The following AFAP1 variants were observed in gnomAD, a reference collection of about 807,000 sequenced individuals.
AFAP1 encodes the protein actin filament-associated protein 1.
A neutral mutation model predicts 93.9 loss-of-function variants in AFAP1; 75 were observed. The observed-to-expected ratio is 0.80, with a 90% CI of 0.66 to 0.97. AFAP1 has a LOEUF of 0.97. Among genes scored for constraint, AFAP1 ranks in the 50% least tolerant of loss-of-function variants. AFAP1 has a pLI of 0.00. For missense variants in AFAP1, 1,201 were observed against 1,050.8 expected (o/e 1.14, Z -1.98); for synonymous variants, 517 against 430.7 (o/e 1.20, Z -2.48).
chr4:7,862,623 G>A (rs1038616981), intron 3 of AFAP1, among the ~76,000 whole-genome samples: 3 of 152,114 alleles, frequency 2.0e-5, no homozygotes, highest in South Asian at 2.1e-4. Context: ...CACAATAAAA[G>A]GAAACTTGGC....
In AFAP1 at chr4:7,915,127, G is replaced by A. The variant is rs540234059; in HGVS notation, c.-3+24529C>T. 1.5e-4 allele frequency among the ~76,000 whole-genome samples: 23 copies of A among 152,274 alleles called. 1 individual carries two copies. Among genetic ancestry groups the A allele is most frequent in the Admixed American group, 1.4e-3 (22 of 15,298 alleles). ...TCAAACTCCTGACATCCGGTGATCT[G>A]CCCGCCTCGGCCTCCCAAAGTGCTG... On this transcript the variant is annotated intron_variant, in intron 1 of 17. Coordinates refer to ENST00000420658, the MANE Select transcript of AFAP1 (RefSeq NM_001134647.2).
chr4:7,930,241 C>T (rs1017629814), intron 1 of AFAP1, among the ~76,000 whole-genome samples: 1 of 152,222 alleles, frequency 6.6e-6, no homozygotes. Flanking sequence ...GAGGTCGGGG[C>T]TCCCATGCCC....
intron 9 of AFAP1, among the ~76,000 whole-genome samples, chr4:7,801,448 C>T (rs1469386867): frequency 6.6e-6 from 1 of 151,906 alleles, no homozygotes; most frequent in Non-Finnish European, 1.5e-5. Flanking sequence ...AAAAAAACCT[C>T]CTCAAATACA....
intron 7 of AFAP1, 147 bp downstream of exon 7, chr4:7,818,928 AG>A: frequency 1.5e-6 from 1 of 664,786 alleles, no homozygotes; most frequent in South Asian, 2.4e-5. Flanking sequence ...AGCGCAAAGC[AG>A]GCAGTTAAAA....
Position 7,939,377 on chromosome 4 carries a change from C to G in AFAP1, c.-3+279G>C, listed in dbSNP as rs1721593729. On this transcript the variant is annotated intron_variant, in intron 1 of 17. Coordinates refer to ENST00000420658, the MANE Select transcript of AFAP1 (RefSeq NM_001134647.2). This position sits in a 1 kb window ranked among gnomAD's most constrained non-coding sequence, Gnocchi z 5.6. Reference sequence around the variant, plus strand: ...GGGACCAGCCACGCCGCGGGGGCACCGGGCAGGAGCCAGCGCCCGGGTCCA... The same window carrying G: ...GGGACCAGCCACGCCGCGGGGGCACGGGGCAGGAGCCAGCGCCCGGGTCCA... The G allele has an allele frequency of 3.1e-6, 1 of 318,980 alleles. No individual in the cohort carries two copies. The highest frequency in any genetic ancestry group is 6.3e-6 in the Non-Finnish European group (1 of 159,434). 19.8% of individuals were successfully genotyped at this position (318,980 alleles called of 1,614,324 possible).
At chr4:7,864,670 T>A (rs1716208953) in intron 3 of AFAP1, among the ~76,000 whole-genome samples, 1 of 152,220 alleles carries the variant, frequency 6.6e-6, no homozygotes, top group South Asian at 2.1e-4. Context: ...CCTGTTGAGT[T>A]GTGTATTTAC....
chr4:7,763,518 C>G lies in AFAP1; in HGVS notation c.*247G>C. On this transcript the variant is annotated 3_prime_UTR_variant, in exon 18 of 18. Coordinates refer to ENST00000420658, the MANE Select transcript of AFAP1 (RefSeq NM_001134647.2). ...TGATAGCATCCTTTCAAACACCTTT[C>G]CATCACTTTTTTTGTTTTTTAACAA... 1 of 546,678 alleles carries G rather than the reference C, an allele frequency of 1.8e-6. No individual in the cohort carries two copies. Among genetic ancestry groups the G allele is most frequent in the Non-Finnish European group, 3.2e-6 (1 of 309,720 alleles). The allele number at this position is 546,678 out of a possible 1,614,324, so 33.9% of individuals were successfully genotyped here. A position where few individuals can be genotyped will look rare whatever the true frequency, so the allele number is the denominator to read the frequency against.
intron 1 of AFAP1, among the ~76,000 whole-genome samples, chr4:7,923,542 G>T (rs1280584145): frequency 6.6e-6 from 1 of 152,138 alleles, no homozygotes; most frequent in East Asian, 1.9e-4. Flanking sequence ...ACAGTGGCAC[G>T]ATCTTGGCTC....
chr4:7,809,098 T>C (rs147712700), intron 9 of AFAP1, among the ~76,000 whole-genome samples: 2 of 152,112 alleles, frequency 1.3e-5, no homozygotes, highest in African/African-American at 4.8e-5. Context: ...TTAGGGTACA[T>C]GTGCACAATG....
At chr4:7,782,363 A>T (rs1275663859) in intron 12 of AFAP1, among the ~76,000 whole-genome samples, 1 of 152,240 alleles carries the variant, frequency 6.6e-6, no homozygotes, top group Non-Finnish European at 1.5e-5. Flanking sequence ...GGGAACTGTC[A>T]ACACAAACCC....
chr4:7,782,277 C>A (rs114172772), intron 12 of AFAP1, among the ~76,000 whole-genome samples: 1 of 152,240 alleles, frequency 6.6e-6, no homozygotes, highest in African/African-American at 2.4e-5. Flanking sequence ...CTAAGCCTCG[C>A]GCTCCTTCTG....
intron 14 of AFAP1, chr4:7,778,460 G>C: frequency 2.2e-6 from 1 of 455,762 alleles, no homozygotes; most frequent in South Asian, 2.1e-5. Flanking sequence ...TCCTGACCTG[G>C]AGCCCAGGGC....
chr4:7,872,373 T>C (rs1717127139), intron 1 of AFAP1: 1 of 274,016 alleles, frequency 3.6e-6, no homozygotes. Flanking sequence ...GACGTCATCA[T>C]TTGGTGTCAA....
rs149044697 is a variant in AFAP1, at chr4:7,919,621, G to C, written c.-3+20035C>G. Among the ~76,000 whole-genome samples the C allele has an allele frequency of 6.2e-4, 95 of 152,180 alleles. 1 individual carries two copies. Among genetic ancestry groups the C allele is most frequent in the African/African-American group, 2.2e-3 (93 of 41,516 alleles). On this transcript the variant is annotated intron_variant, in intron 1 of 17. Coordinates refer to ENST00000420658, the MANE Select transcript of AFAP1 (RefSeq NM_001134647.2). Reference sequence around the variant, plus strand: ...ACTGAATGAAACCTGCGGATTTTTTGTTTAGTCTTTTATTTTTTTTTAATT... The same window carrying C: ...ACTGAATGAAACCTGCGGATTTTTTCTTTAGTCTTTTATTTTTTTTTAATT...
In AFAP1 at chr4:7,887,009, T is replaced by A. The variant is rs1718175369; in HGVS notation, c.-2-14929A>T. Among the ~76,000 whole-genome samples, 4 of 152,232 alleles carry A rather than the reference T, an allele frequency of 2.6e-5. No homozygotes were observed. The South Asian group carries it at 8.3e-4, about 32-fold the overall frequency. On this transcript the variant is annotated intron_variant, in intron 1 of 17. Coordinates refer to ENST00000420658, the MANE Select transcript of AFAP1 (RefSeq NM_001134647.2). The stretch of plus-strand genomic sequence containing the variant: ...CTCACAACCTAGAACAGCAGACACA[T>A]ACCTGGACTCACAGAACCCTTATTC...
Position 7,763,767 on chromosome 4 carries a change from A to C in AFAP1, c.2443T>G (p.Ter815GluextTer22). The C allele has an allele frequency of 3.2e-6, 5 of 1,551,670 alleles. No homozygotes were observed. The highest frequency in any genetic ancestry group is 4.4e-6 in the Non-Finnish European group (5 of 1,146,966). ...AKEWELKNGT[*>E] ...GGCTGGAGTGGTGCTGCTGTCCCCT[A>C]GGTCCCGTTCTTCAATTCCCATTCC... The change falls in exon 18 of 18, where the codon TAG becomes GAG. Residue 815 changes from the stop codon to glutamate, a stop_lost. Coordinates refer to ENST00000420658, the MANE Select transcript of AFAP1 (RefSeq NM_001134647.2).
At chr4:7,785,328 G>A (rs963641602) in intron 12 of AFAP1, among the ~76,000 whole-genome samples, 1 of 152,092 alleles carries the variant, frequency 6.6e-6, no homozygotes, top group African/African-American at 2.4e-5. Context: ...CAGCGTAACA[G>A]GGAAAGCTGT....
At chr4:7,822,140 TTTC>T (rs1361519531) in intron 6 of AFAP1, among the ~76,000 whole-genome samples, 4 of 152,192 alleles carry the variant, frequency 2.6e-5, no homozygotes, top group African/African-American at 9.7e-5. Flanking sequence ...AGGACAAGAC[TTTC>T]TTTTCACTAG....
intron 3 of AFAP1, among the ~76,000 whole-genome samples, chr4:7,865,126 T>C (rs560328698): frequency 9.9e-5 from 15 of 152,206 alleles, no homozygotes; most frequent in Non-Finnish European, 1.9e-4. Context: ...AGTAATCATA[T>C]GTATAGATTA....
Sources: gnomAD v4.1 joint callset for allele counts (sites outside exome capture counted in the v4.1 genomes callset) on GRCh38, gnomAD v4.1.1 for gene constraint, Gnocchi (gnomAD v3.1) non-coding constraint, MANE v1.5 for transcripts, NCBI Gene and HGNC (gene_info 2026-07-23, HGNC 2026-07-21) for gene names.